PAK5: variants seen among roughly 807,000 people sequenced by gnomAD.
PAK5 encodes p21 (RAC1) activated kinase 5.
PAK5 carries 16 observed loss-of-function variants against 65.9 expected under a neutral mutation model. That is an observed-to-expected ratio of 0.24 (90% CI 0.16 to 0.37). PAK5 has a LOEUF of 0.37. Among genes scored for constraint, PAK5 ranks in the 10% least tolerant of loss-of-function variants. The pLI, the probability that PAK5 is intolerant of heterozygous loss-of-function variation, is 1.00. For missense variants in PAK5, 785 were observed against 903.9 expected (o/e 0.87, Z 1.69); for synonymous variants, 371 against 354.9 (o/e 1.05, Z -0.51).
intron 2 of PAK5, among the ~76,000 whole-genome samples, chr20:9,668,895 C>T (rs965973129): frequency 6.6e-6 from 1 of 152,142 alleles, no homozygotes; most frequent in African/African-American, 2.4e-5. Context: ...GCACGAGGAG[C>T]CTGCATGCAG....
chr20:9,766,415 A>ATATTCTACTTACT (rs1569079196), intron 1 of PAK5, among the ~76,000 whole-genome samples: 545 of 19,944 alleles, frequency 0.027, 153 homozygotes, highest in East Asian at 0.12. Context: ...CAGAATATAT[A>ATATTCTACTTACT]TGTATATATA....
chr20:9,618,393 C>T (rs974770419), intron 3 of PAK5, among the ~76,000 whole-genome samples: 7 of 150,482 alleles, frequency 4.7e-5, no homozygotes, highest in Admixed American at 2.0e-4. Context: ...CAGACTATTA[C>T]GGCCTGGAAC....
chr20:9,787,562 A>G lies in PAK5; in HGVS notation c.-162+51200T>C, dbSNP rs532225991. Reference sequence around the variant, plus strand: ...GGGTAAGTTAAACTCTCTAAGCCTCAGTTTTTCATCTATAAAATAGAAAAA... The same window carrying G: ...GGGTAAGTTAAACTCTCTAAGCCTCGGTTTTTCATCTATAAAATAGAAAAA... On this transcript the variant is annotated intron_variant, in intron 1 of 9. Transcript: ENST00000353224. Among the ~76,000 whole-genome samples the G allele has an allele frequency of 2.6e-4, 40 of 151,942 alleles. No individual in the cohort carries two copies. In the South Asian group the frequency reaches 7.9e-3, roughly 30 times the overall value.
intron 3 of PAK5, among the ~76,000 whole-genome samples, chr20:9,599,508 A>G (rs1182491744): frequency 6.6e-6 from 1 of 152,200 alleles, no homozygotes; most frequent in Non-Finnish European, 1.5e-5. Context: ...TCCTTGAAAC[A>G]CTTGTTATTT....
intron 9 of PAK5, 141 bp from the exon 10 acceptor site, chr20:9,539,758 G>A: frequency 1.5e-6 from 1 of 669,472 alleles, no homozygotes; most frequent in South Asian, 2.0e-5. Flanking sequence ...GAAAGCAAAA[G>A]CATGTCTTGT....
At chr20:9,539,667 C>CT (rs780587884) in intron 9 of PAK5, 50 bp from the exon 10 acceptor site, 1 of 1,497,906 alleles carries the variant, frequency 6.7e-7, no homozygotes, top group Non-Finnish European at 9.2e-7. Context: ...GACACCTAAC[C>CT]CAGTCCCCAA....
chr20:9,693,583 A>G (rs979743287), intron 2 of PAK5, among the ~76,000 whole-genome samples: 1 of 152,162 alleles, frequency 6.6e-6, no homozygotes, highest in Non-Finnish European at 1.5e-5. Context: ...TATAGTTCAC[A>G]TTAGTGGAAA....
intron 1 of PAK5, among the ~76,000 whole-genome samples, chr20:9,731,215 A>C (rs1339970987): frequency 6.6e-6 from 1 of 152,254 alleles, no homozygotes. Context: ...ACAATTTTAT[A>C]ATCACATTAT....
At chr20:9,786,680 C>G (rs373730297) in intron 1 of PAK5, among the ~76,000 whole-genome samples, 3 of 152,106 alleles carry the variant, frequency 2.0e-5, no homozygotes, top group African/African-American at 7.2e-5. Context: ...CTAAGATACA[C>G]CTATATAATT....
chr20:9,720,197 G>C (rs542233957), intron 1 of PAK5, among the ~76,000 whole-genome samples: 1 of 152,190 alleles, frequency 6.6e-6, no homozygotes, highest in East Asian at 1.9e-4. Context: ...CTTAACTGGG[G>C]GTCGTAACTG....
At chr20:9,604,248 T>G (rs1018669562) in intron 3 of PAK5, among the ~76,000 whole-genome samples, 1 of 152,146 alleles carries the variant, frequency 6.6e-6, no homozygotes, top group African/African-American at 2.4e-5. Context: ...GAGTTTTGGG[T>G]TAAATGAAGG....
rs777430875 is a variant in PAK5, at chr20:9,565,928, G to A, written c.1447C>T (p.Arg483Trp). 4.5e-5 allele frequency: 72 copies of A among 1,613,450 alleles called. No homozygotes were observed. The Admixed American group carries it at 1.0e-3, about 23-fold the overall frequency. The part of the protein sequence containing the change: ...KQVAVKKMDL[R>W]KQQRRELLFN... ...AGCAGTTCTCGTCTCTGTTGCTTCC[G>A]GAGGTCCATTTTCTTCACTGCAACT... Residue 483 changes from arginine (R) to tryptophan (W), a missense_variant, in exon 5 of 10, where the codon CGG becomes TGG. This residue lies in a region of PAK5 where 182 missense variants were observed against 273.0 expected (regional missense o/e 0.67). Coordinates refer to ENST00000353224, the MANE Select transcript of PAK5 (RefSeq NM_177990.4).
At chr20:9,621,898 C>CATG in intron 3 of PAK5, among the ~76,000 whole-genome samples, 1 of 152,352 alleles carries the variant, frequency 6.6e-6, no homozygotes, top group East Asian at 1.9e-4. Flanking sequence ...ATTGATACTC[C>CATG]ATGGTCTCAG....
chr20:9,587,594 TCAGTC>T (rs1264897147), intron 3 of PAK5, among the ~76,000 whole-genome samples: 1 of 152,138 alleles, frequency 6.6e-6, no homozygotes, highest in Non-Finnish European at 1.5e-5. Context: ...GATTTATATT[TCAGTC>T]CAGTGCTTCT....
intron 2 of PAK5, among the ~76,000 whole-genome samples, chr20:9,670,915 T>C (rs1265899503): frequency 6.6e-6 from 1 of 152,240 alleles, no homozygotes; most frequent in Non-Finnish European, 1.5e-5. Context: ...AGGTCTAACA[T>C]GTAAGTCTTT....
At chr20:9,687,735 C>A (rs963621228) in intron 2 of PAK5, among the ~76,000 whole-genome samples, 2 of 152,152 alleles carry the variant, frequency 1.3e-5, no homozygotes, top group Non-Finnish European at 2.9e-5. Flanking sequence ...CTGTGTCCAC[C>A]ATGTGCCCAG....
intron 1 of PAK5, among the ~76,000 whole-genome samples, chr20:9,830,776 A>G (rs1297178114): frequency 6.6e-6 from 1 of 152,216 alleles, no homozygotes; most frequent in Non-Finnish European, 1.5e-5. Context: ...TGCACCTTCA[A>G]TGATGCACAT....
chr20:9,722,590 G>A (rs1285587136), intron 1 of PAK5, among the ~76,000 whole-genome samples: 1 of 151,882 alleles, frequency 6.6e-6, no homozygotes, highest in Non-Finnish European at 1.5e-5. Flanking sequence ...CCAGCCTGGG[G>A]GGACAGAGCG....
rs1436605679 is a variant in PAK5, at chr20:9,839,041, G to C, written c.-441C>G. ...GCGTACGCAGCTGCTCCGGGTTTTC[G>C]TGGCAGCCGGCGGGAGGCAGGCTGT... On this transcript the variant is annotated 5_prime_UTR_variant, in exon 1 of 10. Transcript: ENST00000353224. The C allele has an allele frequency of 6.6e-6, 1 of 152,168 alleles. No homozygotes were observed. The highest frequency in any genetic ancestry group is 2.4e-5 in the African/African-American group (1 of 41,398). The allele number at this position is 152,168 out of a possible 1,614,324, so 9.4% of individuals were successfully genotyped here.
Sources: gnomAD v4.1 joint callset for allele counts (sites outside exome capture counted in the v4.1 genomes callset) on GRCh38, gnomAD v4.1.1 for gene constraint, gnomAD v4.1.1 regional missense constraint, MANE v1.5 for transcripts, NCBI Gene and HGNC (gene_info 2026-07-23, HGNC 2026-07-21) for gene names.